The following TEX52 variants were observed in gnomAD, a reference collection of about 807,000 sequenced individuals.
The protein encoded by TEX52 is testis-expressed protein 52.
TEX52 carries 22 observed loss-of-function variants against 17.6 expected under a neutral mutation model. The observed-to-expected ratio is 1.25, with a 90% CI of 0.89 to 1.78. The LOEUF (loss-of-function observed/expected upper bound fraction) is 1.78. Among genes scored for constraint, TEX52 ranks in the 40% most tolerant of loss-of-function variants. The probability of loss-of-function intolerance (pLI) is 0.00; values close to 1 mark genes in which losing one functional copy is unlikely to be tolerated. For synonymous variants in TEX52, 168 were observed against 147.4 expected, an observed-to-expected ratio of 1.14 and a Z score of -1.01; for missense variants, 396 against 372.3, an observed-to-expected ratio of 1.06 and a Z score of -0.52.
Position 2,854,981 on chromosome 12 carries a change from C to T in TEX52, c.538G>A (p.Val180Met). ...IFRTVKELKEVEKLKLRSEAR... is the reference protein window; with the variant it reads ...IFRTVKELKEMEKLKLRSEAR... ...TCACTCCTCAACTTGAGCTTCTCCA[C>T]CTCCTTCAACTCCTTCACTGTCCTG... The change falls in exon 2 of 3, where the codon GTG becomes ATG. Residue 180 changes from valine to methionine, a missense_variant. Val to Met is a conservative substitution (Grantham distance 21). Coordinates refer to ENST00000637658, the MANE Select transcript of TEX52 (RefSeq NM_001365174.2). The T allele has an allele frequency of 6.5e-7, 1 of 1,536,266 alleles. No homozygotes were observed. Among genetic ancestry groups the T allele is most frequent in the Non-Finnish European group, 8.7e-7 (1 of 1,146,952 alleles).
At chr12:2,855,519 G>C (rs1378498663) in intron 1 of TEX52, 73 bp from the exon 2 acceptor site, 3 of 1,183,998 alleles carry the variant, frequency 2.5e-6, no homozygotes, top group Non-Finnish European at 3.3e-6. Flanking sequence ...GAGGCACTCC[G>C]CTCTCCTTCC....
chr12:2,852,787 C>T (rs1355823617), intron 2 of TEX52, among the ~76,000 whole-genome samples: 1 of 151,982 alleles, frequency 6.6e-6, no homozygotes, highest in Non-Finnish European at 1.5e-5. Flanking sequence ...GGCCTGAGGT[C>T]GGGAGTTCAA....
At chr12:2,849,648 G>T in intron 2 of TEX52, 123 bp from the exon 3 acceptor site, 1 of 1,121,630 alleles carries the variant, frequency 8.9e-7, no homozygotes, top group Non-Finnish European at 1.3e-6. Context: ...CAGGCGGCAG[G>T]GAATCCCTTC....
At position 2,855,451 on chromosome 12, in the gene TEX52, G is replaced by A; in HGVS notation, c.73-5C>T. ...GGACTCGCTGGCCTGGACCATCTAG[G>A]GAGAGACAAAAGGGAGCCTGGGGAA... On this transcript the variant is annotated splice_polypyrimidine_tract_variant and splice_region_variant and intron_variant, in intron 1 of 2. Transcript: ENST00000637658. The A allele has an allele frequency of 2.1e-6, 3 of 1,432,088 alleles. No individual in the cohort carries two copies. Among genetic ancestry groups the A allele is most frequent in the Non-Finnish European group, 2.8e-6 (3 of 1,090,860 alleles). 88.7% of individuals were successfully genotyped at this position (1,432,088 alleles called of 1,614,324 possible). A position where few individuals can be genotyped will look rare whatever the true frequency, so the allele number is the denominator to read the frequency against.
At chr12:2,853,680 G>T (rs959413684) in intron 2 of TEX52, among the ~76,000 whole-genome samples, 2 of 152,072 alleles carry the variant, frequency 1.3e-5, no homozygotes, top group Non-Finnish European at 2.9e-5. Flanking sequence ...CTGCCCTTGG[G>T]ATTGGAATTT....
intron 2 of TEX52, among the ~76,000 whole-genome samples, chr12:2,851,471 T>G (rs1283463835): frequency 6.6e-6 from 1 of 151,928 alleles, no homozygotes; most frequent in South Asian, 2.1e-4. Context: ...GCCTCCCGAG[T>G]AGCTGGGATT....
chr12:2,851,089 C>A (rs1210993842), intron 2 of TEX52, among the ~76,000 whole-genome samples: 2 of 143,910 alleles, frequency 1.4e-5, no homozygotes, highest in Admixed American at 7.2e-5. Context: ...ATCGCTTGAA[C>A]CCAGGAGGCA....
At chr12:2,854,830 TGA>T in intron 2 of TEX52, 64 bp downstream of exon 2, 1 of 1,440,484 alleles carries the variant, frequency 6.9e-7, no homozygotes, top group East Asian at 2.5e-5. Context: ...AACAGGAACC[TGA>T]GAGAGGGAGG....
At chr12:2,850,034 G>A (rs947416889) in intron 2 of TEX52, among the ~76,000 whole-genome samples, 1 of 152,092 alleles carries the variant, frequency 6.6e-6, no homozygotes, top group African/African-American at 2.4e-5. Context: ...ATAGTCCCCT[G>A]TTTGCTGTTG....
chr12:2,854,687 C>T (rs187079893), intron 2 of TEX52, among the ~76,000 whole-genome samples: 95 of 152,246 alleles, frequency 6.2e-4, no homozygotes, highest in South Asian at 1.9e-3. Context: ...ATAGCTGTCC[C>T]CCAGATTTTA....
intron 1 of TEX52, 29 bp downstream of exon 1, chr12:2,856,926 G>T (rs2098089154): frequency 1.4e-6 from 1 of 702,900 alleles, no homozygotes; most frequent in Non-Finnish European, 2.6e-6. Context: ...GTACAAAAAG[G>T]TAGGCGGCAG....
At chr12:2,852,369 G>GTT (rs71441694) in intron 2 of TEX52, among the ~76,000 whole-genome samples, 10 of 149,764 alleles carry the variant, frequency 6.7e-5, no homozygotes, top group African/African-American at 1.7e-4. Context: ...TGTGGGAACT[G>GTT]TTTTTTTTTT....
At chr12:2,847,958 C>G (rs1427189706), downstream of TEX52, among the ~76,000 whole-genome samples, 1 of 152,226 alleles carries the variant, frequency 6.6e-6, no homozygotes, top group African/African-American at 2.4e-5. Flanking sequence ...TGATTGACAG[C>G]TTCATTTCTG....
chr12:2,848,385 C>T (rs1293422948), downstream of TEX52, among the ~76,000 whole-genome samples: 1 of 152,190 alleles, frequency 6.6e-6, no homozygotes, highest in South Asian at 2.1e-4. Context: ...CTGACTGTTG[C>T]TTTGCCTGCC....
rs112773179 is a variant in TEX52 at position 2,851,836 on chromosome 12, G to A, written c.624-2311C>T. On this transcript the variant is annotated intron_variant, in intron 2 of 2. Transcript: ENST00000637658. ...TGGGATTACAGGCATGTGCCACCAC[G>A]CCTGACTAATTTTTGTATTTGTAGT... 1.6e-4 allele frequency among the ~76,000 whole-genome samples: 25 copies of A among 151,940 alleles called. No individual in the cohort carries two copies. The South Asian group carries it at 5.0e-3, about 30-fold the overall frequency.
At chr12:2,849,952 T>G (rs2098064782) in intron 2 of TEX52, among the ~76,000 whole-genome samples, 1 of 152,182 alleles carries the variant, frequency 6.6e-6, no homozygotes, top group African/African-American at 2.4e-5. Context: ...AAACAGACTT[T>G]TGTTTCTTTT....
chr12:2,855,142 T>C lies in TEX52; in HGVS notation c.377A>G (p.Asp126Gly), dbSNP rs1177435109. The C allele has an allele frequency of 6.5e-7, 1 of 1,527,718 alleles. No homozygotes were observed. Among genetic ancestry groups the C allele is most frequent in the African/African-American group, 1.4e-5 (1 of 71,966 alleles). 94.6% of individuals were successfully genotyped at this position (1,527,718 alleles called of 1,614,324 possible). Residue 126 changes from aspartate to glycine, a missense_variant, in exon 2 of 3, where the codon GAC (aspartate) becomes GGC (glycine). Asp to Gly is a moderately conservative substitution (Grantham distance 94). Coordinates refer to ENST00000637658, the MANE Select transcript of TEX52 (RefSeq NM_001365174.2). ...GGGGGGGCATCTGTGGGCATTGGAG[T>C]CGGTCAGCCAGCGCCAGACATTGCT... ...YDSNVWRWLT[D>G]SNAHRCPPTE...
intron 2 of TEX52, 101 bp downstream of exon 2, chr12:2,854,795 G>T: frequency 1.6e-6 from 2 of 1,234,496 alleles, no homozygotes; most frequent in East Asian, 2.6e-5. Context: ...TGGCCAGAGC[G>T]GGGAAGGACA....
At chr12:2,852,270 A>G (rs1311601901) in intron 2 of TEX52, among the ~76,000 whole-genome samples, 1 of 152,202 alleles carries the variant, frequency 6.6e-6, no homozygotes, top group Non-Finnish European at 1.5e-5. Flanking sequence ...TGGAGATACC[A>G]TACTAATAAT....
Sources: gnomAD v4.1 joint callset for allele counts (sites outside exome capture counted in the v4.1 genomes callset) on GRCh38, gnomAD v4.1.1 for gene constraint, MANE v1.5 for transcripts, NCBI Gene and HGNC (gene_info 2026-07-23, HGNC 2026-07-21) for gene names.